FHL5: variants seen among roughly 807,000 people sequenced by gnomAD.
FHL5 encodes the protein four and a half LIM domains 5.
Under a neutral mutation model 32.0 loss-of-function variants are expected in FHL5, and 33 were observed. The ratio of observed to expected loss-of-function variants is 1.03; its 90% CI spans 0.78 to 1.38. The LOEUF is 1.38. Ranked by LOEUF, FHL5 falls within the 40% of genes most tolerant of loss-of-function variation. The pLI is 0.00. For missense variants in FHL5, 336 were observed against 343.9 expected (o/e 0.98, Z 0.18); for synonymous variants, 114 against 113.6 (o/e 1.00, Z -0.02).
intron 1 of FHL5, among the ~76,000 whole-genome samples, chr6:96,593,650 C>A (rs531982695): frequency 4.2e-4 from 64 of 152,222 alleles, no homozygotes; most frequent in African/African-American, 1.5e-3. Context: ...ATCTTTGTCC[C>A]CTTAGCCTTT....
chr6:96,581,172 TC>T (rs964620002), intron 1 of FHL5, among the ~76,000 whole-genome samples: 1 of 152,118 alleles, frequency 6.6e-6, no homozygotes, highest in African/African-American at 2.4e-5. Context: ...AACTGAACTT[TC>T]CCTGAAGCCA....
chr6:96,596,953 T>C (rs903823851), intron 1 of FHL5, among the ~76,000 whole-genome samples: 86 of 152,188 alleles, frequency 5.7e-4, no homozygotes, highest in African/African-American at 2.0e-3. Flanking sequence ...CCCAGATGCA[T>C]TCACTTTTTA....
chr6:96,567,731 CT>C (rs34958874), intron 1 of FHL5, among the ~76,000 whole-genome samples: 6,730 of 148,576 alleles, frequency 0.045, 445 homozygotes, highest in African/African-American at 0.14. Flanking sequence ...TCCTACATGG[CT>C]TTTTTTGTAG....
chr6:96,579,144 C>T (rs1562053946), intron 1 of FHL5, among the ~76,000 whole-genome samples: 1 of 152,128 alleles, frequency 6.6e-6, no homozygotes, highest in Non-Finnish European at 1.5e-5. Flanking sequence ...AAATAGGCAA[C>T]TCATTCATTT....
At position 96,615,627 on chromosome 6, in the gene FHL5, T is replaced by C. The variant is rs1477093864; in HGVS notation, c.710T>C (p.Phe237Ser). The C allele has an allele frequency of 1.9e-6, 3 of 1,610,444 alleles. No homozygotes were observed. The highest frequency in any genetic ancestry group is 1.7e-5 in the Admixed American group (1 of 59,530). ...KPISGLTGAK[F>S]ICFQDSQWHS... ...TTTACAGGTCTCACAGGTGCCAAGT[T>C]TATCTGCTTTCAAGACAGCCAGTGG... Residue 237 changes from phenylalanine (F) to serine (S), a missense_variant, in exon 6 of 6, where the codon TTT (phenylalanine) becomes TCT (serine). Transcript: ENST00000450218.
intron 1 of FHL5, among the ~76,000 whole-genome samples, chr6:96,585,363 C>T (rs149021167): frequency 9.9e-5 from 15 of 152,168 alleles, no homozygotes; most frequent in East Asian, 9.7e-4. Context: ...GATAGCCATG[C>T]GGCAATCCCA....
chr6:96,604,850 G>T lies in FHL5; in HGVS notation c.260G>T (p.Arg87Leu), dbSNP rs1331026642. Residue 87 changes from arginine (R) to leucine (L), a missense_variant, in exon 3 of 6, where the codon CGC becomes CTC. By Grantham distance (102) the Arg-to-Leu change is moderately radical. Coordinates refer to ENST00000450218, the MANE Select transcript of FHL5 (RefSeq NM_001322466.2). Reference sequence around the variant, plus strand: ...AAGCCTTTTGCTGCCAAGGATGAGCGCCTGCTGTGCACGGAGTGCTATTCT... The same window carrying T: ...AAGCCTTTTGCTGCCAAGGATGAGCTCCTGCTGTGCACGGAGTGCTATTCT... ...VEKPFAAKDE[R>L]LLCTECYSNE... 1 of 1,613,986 alleles carries T rather than the reference G, an allele frequency of 6.2e-7. No homozygotes were observed. Among genetic ancestry groups the T allele is most frequent in the Non-Finnish European group, 8.5e-7 (1 of 1,179,892 alleles).
chr6:96,589,464 A>G (rs1770870618), intron 1 of FHL5, among the ~76,000 whole-genome samples: 1 of 152,004 alleles, frequency 6.6e-6, no homozygotes. Context: ...GAACATTTTC[A>G]TGTTTATTAG....
At chr6:96,584,834 CTAATA>C (rs1255859416) in intron 1 of FHL5, among the ~76,000 whole-genome samples, 1 of 152,090 alleles carries the variant, frequency 6.6e-6, no homozygotes, top group Non-Finnish European at 1.5e-5. Flanking sequence ...CCTAATTAAA[CTAATA>C]TTTAAATAAT....
chr6:96,600,647 T>A (rs1771128923), intron 1 of FHL5, among the ~76,000 whole-genome samples: 1 of 152,224 alleles, frequency 6.6e-6, no homozygotes, highest in Admixed American at 6.5e-5. Context: ...TATATAGTTA[T>A]AATACCTCTA....
In FHL5 at chr6:96,612,603, T is replaced by C. The variant is rs984095753; in HGVS notation, c.691+1845T>C. 6.6e-5 allele frequency among the ~76,000 whole-genome samples: 10 copies of C among 152,132 alleles called. No homozygotes were observed. The East Asian group carries it at 1.9e-3, about 29-fold the overall frequency. On this transcript the variant is annotated intron_variant, in intron 5 of 5. Transcript: ENST00000450218. Reference sequence around the variant, plus strand: ...AAGTTGAGATGGAAAAACAACGTTGTTCTGCACAAAAACATGAGGATGATC... The same window carrying C: ...AAGTTGAGATGGAAAAACAACGTTGCTCTGCACAAAAACATGAGGATGATC...
In FHL5 at chr6:96,615,993, C is replaced by A; in HGVS notation, c.*221C>A. On this transcript the variant is annotated 3_prime_UTR_variant, in exon 6 of 6. Transcript: ENST00000450218. The stretch of plus-strand genomic sequence containing the variant: ...TAAATCACAAAGACAACTCTCCTTG[C>A]AAAATACTGCACTCTGCTGTTAGAA... 1 of 353,422 alleles carries A rather than the reference C, an allele frequency of 2.8e-6. No individual in the cohort carries two copies. The highest frequency in any genetic ancestry group is 5.1e-6 in the Non-Finnish European group (1 of 196,324). 21.9% of individuals were successfully genotyped at this position (353,422 alleles called of 1,614,324 possible).
At chr6:96,600,172 G>A (rs558796401) in intron 1 of FHL5, among the ~76,000 whole-genome samples, 1 of 152,292 alleles carries the variant, frequency 6.6e-6, no homozygotes, top group South Asian at 2.1e-4. Context: ...CTTACCTTCT[G>A]CCTGCTCCAT....
At chr6:96,598,770 T>C (rs2127970284) in intron 1 of FHL5, among the ~76,000 whole-genome samples, 1 of 152,354 alleles carries the variant, frequency 6.6e-6, no homozygotes, top group South Asian at 2.1e-4. Context: ...TAGTGATTTA[T>C]GAAATGTCCT....
At chr6:96,599,024 T>C (rs1473104478) in intron 1 of FHL5, among the ~76,000 whole-genome samples, 1 of 152,032 alleles carries the variant, frequency 6.6e-6, no homozygotes. Context: ...AGTCTATTCA[T>C]TCTGCATAGC....
intron 1 of FHL5, among the ~76,000 whole-genome samples, chr6:96,564,100 G>A (rs1770303348): frequency 6.6e-6 from 1 of 152,116 alleles, no homozygotes; most frequent in Non-Finnish European, 1.5e-5. Context: ...AAAACCAAAT[G>A]CAGCTCCTCA....
chr6:96,617,862 TATC>T lies in FHL5; in HGVS notation c.*2091_*2093del, dbSNP rs1771554551. Among the ~76,000 whole-genome samples the T allele has an allele frequency of 6.6e-6, 1 of 152,206 alleles. No homozygotes were observed. Among genetic ancestry groups the T allele is most frequent in the South Asian group, 2.1e-4 (1 of 4,832 alleles). ...CAGAATCATTTCCTAAAGATTTTATTATCCTTTCATAAGTATAAATATATATAC... is the reference window on the plus strand; with the variant it reads ...CAGAATCATTTCCTAAAGATTTTATTCTTTCATAAGTATAAATATATATAC... On this transcript the variant is annotated 3_prime_UTR_variant, in exon 6 of 6. Coordinates refer to ENST00000450218, the MANE Select transcript of FHL5 (RefSeq NM_001322466.2).
chr6:96,611,772 G>A (rs914007733), intron 5 of FHL5, among the ~76,000 whole-genome samples: 1 of 152,110 alleles, frequency 6.6e-6, no homozygotes, highest in Non-Finnish European at 1.5e-5. Context: ...ACCTTGGCAG[G>A]CTTTCACTGA....
At chr6:96,595,262 C>T (rs1271705255) in intron 1 of FHL5, among the ~76,000 whole-genome samples, 2 of 151,678 alleles carry the variant, frequency 1.3e-5, no homozygotes, top group Non-Finnish European at 2.9e-5. Flanking sequence ...CTAGAGTTTA[C>T]TTATTTTCTC....
Sources: gnomAD v4.1 joint callset for allele counts (sites outside exome capture counted in the v4.1 genomes callset) on GRCh38, gnomAD v4.1.1 for gene constraint, MANE v1.5 for transcripts, NCBI Gene and HGNC (gene_info 2026-07-23, HGNC 2026-07-21) for gene names.